CRLF1: variants seen among roughly 807,000 people sequenced by gnomAD.
CRLF1 encodes cytokine receptor like factor 1.
A neutral mutation model predicts 48.9 loss-of-function variants in CRLF1; 36 were observed. The ratio of observed to expected loss-of-function variants is 0.74; its 90% CI spans 0.56 to 0.97. The LOEUF (loss-of-function observed/expected upper bound fraction) is 0.97. Ranked by LOEUF, CRLF1 falls within the 50% of genes least tolerant of loss-of-function variation. CRLF1 has a pLI of 0.00. For missense variants in CRLF1, 534 were observed against 575.1 expected, an observed-to-expected ratio of 0.93 and a Z score of 0.73; for synonymous variants, 256 against 253.4, an observed-to-expected ratio of 1.01 and a Z score of -0.10.
rs1976303193 is a variant in CRLF1, at chr19:18,606,726, G to C, written c.-70C>G. On this transcript the variant is annotated 5_prime_UTR_variant, in exon 1 of 9. Coordinates refer to ENST00000392386, the MANE Select transcript of CRLF1 (RefSeq NM_004750.5). The surrounding 1 kb of genome is among the most constrained non-coding windows in gnomAD (Gnocchi z 4.8). ...GCGGTGGCGCAGGGCGCGGGACGCA[G>C]GCCGGGCGCGGGAGGGCGCGGGCCA... 5.2e-6 allele frequency: 1 copy of C among 193,872 alleles called. No homozygotes were observed. Among genetic ancestry groups the C allele is most frequent in the African/African-American group, 2.4e-5 (1 of 41,424 alleles). 12.0% of individuals were successfully genotyped at this position (193,872 alleles called of 1,614,324 possible).
rs111859016 is a variant in CRLF1 at position 18,599,989 on chromosome 19, A to T, written c.116-143T>A. ...CATTTTACAGATAGGGAAGGTAGAG[A>T]TCAGTTGGGTTAAATGCCCAGGGCA... is the stretch of plus-strand genomic sequence containing the variant. On this transcript the variant is annotated intron_variant, in intron 1 of 8. Coordinates refer to ENST00000392386, the MANE Select transcript of CRLF1 (RefSeq NM_004750.5). 737 of 952,144 alleles carry T rather than the reference A, an allele frequency of 7.7e-4. 4 individuals carry two copies. In the African/African-American group the frequency reaches 0.011, roughly 14 times the overall value. 59.0% of individuals were successfully genotyped at this position (952,144 alleles called of 1,614,324 possible).
At chr19:18,604,115 T>G (rs1220253367) in intron 1 of CRLF1, among the ~76,000 whole-genome samples, 1 of 152,124 alleles carries the variant, frequency 6.6e-6, no homozygotes, top group Non-Finnish European at 1.5e-5. Flanking sequence ...TCACTCCTCC[T>G]GCCCCCACCA....
In CRLF1 at chr19:18,594,280, G is replaced by T; in HGVS notation, c.1179C>A (p.Ala393=). 1.9e-6 allele frequency: 3 copies of T among 1,612,418 alleles called. No individual in the cohort carries two copies. Among genetic ancestry groups the T allele is most frequent in the Non-Finnish European group, 2.5e-6 (3 of 1,179,888 alleles). Residue 393 remains alanine, a synonymous_variant, in exon 7 of 9, where the codon GCC becomes GCA. Transcript: ENST00000392386. ...LSFRLYDQWR[A]WMQKSHKTRN... is the part of the protein sequence containing the mutation. Reference sequence around the variant, plus strand: ...GGGTCTTGTGCGACTTCTGCATCCAGGCTCGCCACTGGTCGTAGAGGCGGA... The same window carrying T: ...GGGTCTTGTGCGACTTCTGCATCCATGCTCGCCACTGGTCGTAGAGGCGGA...
In CRLF1 at chr19:18,606,665, C is replaced by A. The variant is rs1015232472; in HGVS notation, c.-9G>T. ...CGGCGGCCGGCGGGCATGGGGCCGGCGCTGCCGGGGGCGCGCGGCGGGCTG... is the reference window on the plus strand; with the variant it reads ...CGGCGGCCGGCGGGCATGGGGCCGGAGCTGCCGGGGGCGCGCGGCGGGCTG... On this transcript the variant is annotated 5_prime_UTR_variant, in exon 1 of 9. Transcript: ENST00000392386. This position sits in a 1 kb window ranked among gnomAD's most constrained non-coding sequence, Gnocchi z 4.8. 154 of 657,950 alleles carry A rather than the reference C, an allele frequency of 2.3e-4. 1 individual carries two copies. The highest frequency in any genetic ancestry group is 2.8e-4 in the Non-Finnish European group (148 of 534,240). The allele number at this position is 657,950 out of a possible 1,614,324, so 40.8% of individuals were successfully genotyped here.
rs376489347 is a variant in CRLF1, at chr19:18,595,357, G to A, written c.1025-923C>T. On this transcript the variant is annotated intron_variant, in intron 6 of 8. Transcript: ENST00000392386. ...CTCCCGCCCACCCCTGAACCTGGAG[G>A]GGCCCAGGATAGGGGCTGGGGAGCT... Among the ~76,000 whole-genome samples, 32 of 152,328 alleles carry A rather than the reference G, an allele frequency of 2.1e-4. No individual in the cohort carries two copies. The East Asian group carries it at 4.6e-3, about 22-fold the overall frequency.
At chr19:18,594,030 G>GGGGGGGCC in intron 8 of CRLF1, 35 bp downstream of exon 8, 3 of 1,315,304 alleles carry the variant, frequency 2.3e-6, no homozygotes, top group Non-Finnish European at 3.2e-6. Context: ...CCCTCCCCTT[G>GGGGGGGCC]CTCCCTCCCG....
rs146098226 is a variant in CRLF1 at position 18,599,713 on chromosome 19, C to T, written c.249G>A (p.Leu83=). ...GLYWTLNGRR[L]PPELSRVLNA... Reference sequence around the variant, plus strand: ...TGAGTACACGGGAGAGCTCAGGGGGCAGGCGGCGCCCGTTGAGGGTCCAGT... The same window carrying T: ...TGAGTACACGGGAGAGCTCAGGGGGTAGGCGGCGCCCGTTGAGGGTCCAGT... Residue 83 remains leucine (L), a synonymous_variant, in exon 2 of 9, where the codon CTG becomes CTA. Transcript: ENST00000392386. The T allele has an allele frequency of 1.2e-6, 2 of 1,609,282 alleles. No homozygotes were observed. The highest frequency in any genetic ancestry group is 2.2e-5 in the South Asian group (2 of 90,448).
chr19:18,598,755 C>G lies in CRLF1; in HGVS notation c.527+17G>C. 6.2e-7 allele frequency: 1 copy of G among 1,614,100 alleles called. No homozygotes were observed. The highest frequency in any genetic ancestry group is 8.5e-7 in the Non-Finnish European group (1 of 1,179,996). On this transcript the variant is annotated intron_variant, in intron 3 of 8. Coordinates refer to ENST00000392386, the MANE Select transcript of CRLF1 (RefSeq NM_004750.5). Reference sequence around the variant, plus strand: ...GCCAGCCTGGGACACACACATCGCCCTCAGGCCACCACCAACCTAAGCTTG... The same window carrying G: ...GCCAGCCTGGGACACACACATCGCCGTCAGGCCACCACCAACCTAAGCTTG...
intron 1 of CRLF1, among the ~76,000 whole-genome samples, chr19:18,600,514 C>T (rs1976207902): frequency 6.6e-6 from 1 of 152,136 alleles, no homozygotes; most frequent in African/African-American, 2.4e-5. Flanking sequence ...GACTACGCGC[C>T]CGCCACCACG....
intron 1 of CRLF1, among the ~76,000 whole-genome samples, chr19:18,605,588 G>A (rs1976281589): frequency 6.6e-6 from 1 of 152,240 alleles, no homozygotes; most frequent in Non-Finnish European, 1.5e-5. Flanking sequence ...GCGATGGTGC[G>A]CGAATGTGCA....
intron 8 of CRLF1, 36 bp downstream of exon 8, chr19:18,594,029 T>TG: frequency 7.3e-7 from 1 of 1,366,648 alleles, no homozygotes; most frequent in South Asian, 1.2e-5. Context: ...GCCCTCCCCT[T>TG]GCTCCCTCCC....
In CRLF1 at chr19:18,593,395, G is replaced by A; in HGVS notation, c.*171C>T. On this transcript the variant is annotated 3_prime_UTR_variant, in exon 9 of 9. Coordinates refer to ENST00000392386, the MANE Select transcript of CRLF1 (RefSeq NM_004750.5). ...CACACCCACTGGGGTGCACCCAAAG[G>A]TGGCCTCACGTGGGAGTCAGAGCTG... 1.2e-6 allele frequency: 1 copy of A among 844,356 alleles called. No individual in the cohort carries two copies. The highest frequency in any genetic ancestry group is 1.9e-6 in the Non-Finnish European group (1 of 539,168). The allele number at this position is 844,356 out of a possible 1,614,324, so 52.3% of individuals were successfully genotyped here. A position where few individuals can be genotyped will look rare whatever the true frequency, so the allele number is the denominator to read the frequency against.
Position 18,596,981 on chromosome 19 carries a change from G to A in CRLF1, c.766C>T (p.Arg256Cys), listed in dbSNP as rs139919292. The A allele has an allele frequency of 1.9e-5, 30 of 1,613,836 alleles. No individual in the cohort carries two copies. Among genetic ancestry groups the A allele is most frequent in the Non-Finnish European group, 2.5e-5 (30 of 1,179,986 alleles). Reference protein sequence around the residue: ...VGGLEDQLSVRWVSPPALKDF... With the variant: ...VGGLEDQLSVCWVSPPALKDF... ...TTGAGGGCGGGTGGCGACACCCAGC[G>A]CACGCTCAGCTGGTCCTCCAGGCCC... Residue 256 changes from arginine (R) to cysteine (C), a missense_variant, in exon 5 of 9, where the codon CGC becomes TGC. Around this residue, in one of 2 missense-constraint regions of CRLF1, gnomAD observed 528 missense variants for 555.7 expected, o/e 0.95. Coordinates refer to ENST00000392386, the MANE Select transcript of CRLF1 (RefSeq NM_004750.5).
At chr19:18,603,073 A>G (rs972176990) in intron 1 of CRLF1, among the ~76,000 whole-genome samples, 6 of 152,212 alleles carry the variant, frequency 3.9e-5, no homozygotes, top group Non-Finnish European at 4.4e-5. Flanking sequence ...AGTGGTTGTA[A>G]AGACTCATCC....
intron 4 of CRLF1, 128 bp from the exon 5 acceptor site, chr19:18,597,177 AC>A (rs1476711013): frequency 1.4e-5 from 13 of 922,998 alleles, no homozygotes; most frequent in African/African-American, 3.5e-5. Context: ...CTCTGCCCCC[AC>A]CCCCAGGACT....
chr19:18,606,604 G>C lies in CRLF1; in HGVS notation c.53C>G (p.Pro18Arg), dbSNP rs1211406145. Residue 18 changes from proline (P) to arginine (R), a missense_variant, in exon 1 of 9, where the codon CCG becomes CGG. Pro to Arg is a moderately radical substitution (Grantham distance 103). This residue lies in a region of CRLF1 where 528 missense variants were observed against 555.7 expected (regional missense o/e 0.95). Transcript: ENST00000392386. The surrounding 1 kb of genome is among the most constrained non-coding windows in gnomAD (Gnocchi z 4.8). ...PAAQSARRPP[P>R]LLPLLLLLCV... ...GAGCAGCAGCAGCAGGGGCAGCAAC[G>C]GCGGCGGCCGCCGCGCGGATTGGGC... 9.1e-7 allele frequency: 1 copy of C among 1,101,290 alleles called. No homozygotes were observed. The highest frequency in any genetic ancestry group is 1.7e-5 in the African/African-American group (1 of 59,754). The allele number at this position is 1,101,290 out of a possible 1,614,324, so 68.2% of individuals were successfully genotyped here.
At chr19:18,593,972 G>T in intron 8 of CRLF1, 93 bp downstream of exon 8, 1 of 1,514,468 alleles carries the variant, frequency 6.6e-7, no homozygotes, top group Non-Finnish European at 8.9e-7. Context: ...TAAGGCTGGG[G>T]TTGGGAGGCG....
intron 1 of CRLF1, among the ~76,000 whole-genome samples, chr19:18,604,920 A>G (rs909646995): frequency 1.3e-5 from 2 of 152,128 alleles, no homozygotes; most frequent in Admixed American, 1.3e-4. Flanking sequence ...TTAAAAGGGA[A>G]AAGTGTGAGA....
chr19:18,594,753 G>T (rs977988947), intron 6 of CRLF1, among the ~76,000 whole-genome samples: 5 of 151,940 alleles, frequency 3.3e-5, no homozygotes, highest in Non-Finnish European at 7.4e-5. Flanking sequence ...CCAGAGCCGG[G>T]GGGATGAGAC....
Sources: gnomAD v4.1 joint callset for allele counts (sites outside exome capture counted in the v4.1 genomes callset) on GRCh38, gnomAD v4.1.1 for gene constraint, gnomAD v4.1.1 regional missense constraint, Gnocchi (gnomAD v3.1) non-coding constraint, MANE v1.5 for transcripts, NCBI Gene and HGNC (gene_info 2026-07-23, HGNC 2026-07-21) for gene names.